The following CNTNAP2 variants were observed in gnomAD, a reference collection of about 807,000 sequenced individuals.
CNTNAP2 encodes the protein contactin-associated protein-like 2.
CNTNAP2 carries 98 observed loss-of-function variants against 155.2 expected under a neutral mutation model. The ratio of observed to expected loss-of-function variants is 0.63; its 90% CI spans 0.54 to 0.75. CNTNAP2 has a LOEUF of 0.75. Among genes scored for constraint, CNTNAP2 ranks in the 30% least tolerant of loss-of-function variants. The probability of loss-of-function intolerance (pLI) is 0.00; values close to 1 mark genes in which losing one functional copy is unlikely to be tolerated. For missense variants in CNTNAP2, 1,727 were observed against 1,688.1 expected, an observed-to-expected ratio of 1.02 and a Z score of -0.40; for synonymous variants, 651 against 631.2, an observed-to-expected ratio of 1.03 and a Z score of -0.47.
intron 8 of CNTNAP2, among the ~76,000 whole-genome samples, chr7:147,200,440 C>G (rs1047156334): frequency 6.6e-6 from 1 of 152,144 alleles, no homozygotes; most frequent in Non-Finnish European, 1.5e-5. Context: ...TTCAGAGGGT[C>G]TGCATACAGC....
intron 20 of CNTNAP2, among the ~76,000 whole-genome samples, chr7:148,247,234 AT>A (rs1454479504): frequency 1.3e-5 from 2 of 152,138 alleles, no homozygotes; most frequent in African/African-American, 4.8e-5. Context: ...AAAACATGCT[AT>A]TTTTCTTCTT....
intron 8 of CNTNAP2, among the ~76,000 whole-genome samples, chr7:147,267,664 G>T (rs1392238794): frequency 1.4e-5 from 2 of 148,004 alleles, no homozygotes; most frequent in East Asian, 1.9e-4. Context: ...CCCTAGCACT[G>T]TTAGCATAGA....
intron 21 of CNTNAP2, among the ~76,000 whole-genome samples, chr7:148,283,968 T>G (rs968807197): frequency 2.0e-5 from 3 of 152,246 alleles, no homozygotes; most frequent in African/African-American, 7.2e-5. Context: ...GTATTTACTT[T>G]AGGAACAATG....
intron 1 of CNTNAP2, among the ~76,000 whole-genome samples, chr7:146,726,111 C>T (rs1801427124): frequency 6.6e-6 from 1 of 152,132 alleles, no homozygotes; most frequent in Admixed American, 6.6e-5. Flanking sequence ...TCAACGATTA[C>T]ATTTTATATT....
At chr7:147,387,828 A>G (rs988118985) in intron 9 of CNTNAP2, among the ~76,000 whole-genome samples, 1 of 151,750 alleles carries the variant, frequency 6.6e-6, no homozygotes, top group Non-Finnish European at 1.5e-5. Context: ...GTTTTTTAAA[A>G]AACTATATTT....
chr7:146,218,325 C>T (rs1012033717), intron 1 of CNTNAP2, among the ~76,000 whole-genome samples: 1 of 151,972 alleles, frequency 6.6e-6, no homozygotes, highest in Non-Finnish European at 1.5e-5. Context: ...CTGGCTAACA[C>T]GGTGAAACCC....
At chr7:147,129,395 A>AT (rs1390301344) in intron 7 of CNTNAP2, among the ~76,000 whole-genome samples, 8 of 152,036 alleles carry the variant, frequency 5.3e-5, no homozygotes, top group East Asian at 1.9e-4. Context: ...GTTCACAGTG[A>AT]TTTTTTTCTG....
At chr7:146,458,051 G>A (rs1462961351) in intron 1 of CNTNAP2, among the ~76,000 whole-genome samples, 2 of 152,024 alleles carry the variant, frequency 1.3e-5, no homozygotes, top group Non-Finnish European at 2.9e-5. Flanking sequence ...ACTGATGCAG[G>A]AACAGAAAGC....
chr7:147,588,680 G>A (rs1800679819), intron 12 of CNTNAP2, among the ~76,000 whole-genome samples: 1 of 152,074 alleles, frequency 6.6e-6, no homozygotes, highest in Non-Finnish European at 1.5e-5. Flanking sequence ...CAACATTGAG[G>A]GGACAGCTGG....
chr7:148,004,964 C>G (rs1168777887), intron 15 of CNTNAP2, among the ~76,000 whole-genome samples: 11 of 152,218 alleles, frequency 7.2e-5, no homozygotes, highest in Non-Finnish European at 7.3e-5. Flanking sequence ...CTGAATTCTA[C>G]TCTCATCCTG....
intron 4 of CNTNAP2, among the ~76,000 whole-genome samples, chr7:147,087,534 T>C (rs774515009): frequency 2.6e-5 from 4 of 152,252 alleles, no homozygotes; most frequent in East Asian, 3.8e-4. Flanking sequence ...TTGGCTCTTG[T>C]CTAATGACAT....
At chr7:147,251,094 C>A (rs894371634) in intron 8 of CNTNAP2, among the ~76,000 whole-genome samples, 3 of 152,066 alleles carry the variant, frequency 2.0e-5, no homozygotes, top group Admixed American at 2.0e-4. Context: ...GAGACTGCAC[C>A]CAACCAGATA....
At chr7:148,183,960 A>G (rs1342353174) in intron 18 of CNTNAP2, among the ~76,000 whole-genome samples, 2 of 152,100 alleles carry the variant, frequency 1.3e-5, no homozygotes, top group African/African-American at 4.8e-5. Context: ...AATTTTTTCC[A>G]TTTTTCAAAA....
At position 148,388,246 on chromosome 7, in the gene CNTNAP2, A is replaced by G. The variant is rs576090461; in HGVS notation, c.3715+4358A>G. Among the ~76,000 whole-genome samples the G allele has an allele frequency of 5.5e-4, 82 of 148,990 alleles. No individual in the cohort carries two copies. The South Asian group carries it at 0.018, about 32-fold the overall frequency. On this transcript the variant is annotated intron_variant, in intron 22 of 23. Coordinates refer to ENST00000361727, the MANE Select transcript of CNTNAP2 (RefSeq NM_014141.6). ...GCCATGCTGGTACGCTGCACCCACTAACTCATCATCTAGCATTAGGTATAT... is the reference window on the plus strand; with the variant it reads ...GCCATGCTGGTACGCTGCACCCACTGACTCATCATCTAGCATTAGGTATAT...
chr7:147,933,081 G>GT (rs1213827609), intron 14 of CNTNAP2, among the ~76,000 whole-genome samples: 1 of 147,542 alleles, frequency 6.8e-6, no homozygotes, highest in Non-Finnish European at 1.5e-5. Flanking sequence ...TTGTTTGTTT[G>GT]TTTGTTTGTT....
rs111477964 is a variant in CNTNAP2, at chr7:146,594,774, C to A, written c.98-179497C>A. Among the ~76,000 whole-genome samples the A allele has an allele frequency of 9.9e-3, 1,512 of 152,132 alleles. 16 individuals are homozygous for A. Among genetic ancestry groups the A allele is most frequent in the African/African-American group, 0.035 (1,447 of 41,518 alleles). On this transcript the variant is annotated intron_variant, in intron 1 of 23. Coordinates refer to ENST00000361727, the MANE Select transcript of CNTNAP2 (RefSeq NM_014141.6). ...ATAAATGAAGAGAAGATATGTCATG[C>A]CTCACAGGCAATCATATACTGATAA...
At chr7:146,606,842 G>A (rs746325164) in intron 1 of CNTNAP2, among the ~76,000 whole-genome samples, 52 of 152,260 alleles carry the variant, frequency 3.4e-4, no homozygotes, top group Non-Finnish European at 5.0e-4. Flanking sequence ...ATAAGCAGTC[G>A]GTGAGTGTCC....
intron 20 of CNTNAP2, among the ~76,000 whole-genome samples, chr7:148,247,741 C>T (rs1484799272): frequency 6.6e-6 from 1 of 151,538 alleles, no homozygotes; most frequent in Non-Finnish European, 1.5e-5. Context: ...GCTACCTCCA[C>T]CTCCCAGGTT....
At chr7:148,210,611 T>C (rs2116745165) in intron 18 of CNTNAP2, among the ~76,000 whole-genome samples, 1 of 152,326 alleles carries the variant, frequency 6.6e-6, no homozygotes, top group Middle Eastern at 3.4e-3. Flanking sequence ...TTAGAGATTT[T>C]TCTTTGGCAT....
Sources: gnomAD v4.1 joint callset for allele counts (sites outside exome capture counted in the v4.1 genomes callset) on GRCh38, gnomAD v4.1.1 for gene constraint, MANE v1.5 for transcripts, NCBI Gene and HGNC (gene_info 2026-07-23, HGNC 2026-07-21) for gene names.